The following NR2F1-AS1 variants were observed in gnomAD, a reference collection of about 807,000 sequenced individuals.
The protein encoded by NR2F1-AS1 is NR2F1 antisense RNA 1.
At position 93,557,800 on chromosome 5, in the gene NR2F1-AS1, T is replaced by C. The variant is rs1366649660; in HGVS notation, n.414-2805A>G. Among the ~76,000 whole-genome samples, 3 of 152,214 alleles carry C rather than the reference T, an allele frequency of 2.0e-5. No homozygotes were observed. In the East Asian group the frequency reaches 5.8e-4, roughly 29 times the overall value. ...CTCTGTGGCATGCAATGCTGTTTGA[T>C]AGCATTTTTACCCACAGTAGAGCTT... On this transcript the variant is annotated intron_variant and non_coding_transcript_variant, in intron 2 of 5. Transcript: ENST00000660523.
intron 1 of NR2F1-AS1, among the ~76,000 whole-genome samples, chr5:93,567,941 T>C (rs1283692911): frequency 6.6e-6 from 1 of 152,212 alleles, no homozygotes; most frequent in African/African-American, 2.4e-5. Flanking sequence ...AATATTACTT[T>C]GTCCATCCAA....
intron 4 of NR2F1-AS1, among the ~76,000 whole-genome samples, chr5:93,526,567 C>G (rs1341718616): frequency 6.6e-6 from 1 of 152,150 alleles, no homozygotes; most frequent in Non-Finnish European, 1.5e-5. Flanking sequence ...AGGCCAACAT[C>G]CCTGATGAAC....
At chr5:93,503,495 T>G (rs1463975375) in intron 4 of NR2F1-AS1, among the ~76,000 whole-genome samples, 2 of 152,220 alleles carry the variant, frequency 1.3e-5, no homozygotes, top group Non-Finnish European at 2.9e-5. Context: ...AAAAGTTTTT[T>G]AGAACAAACT....
chr5:93,425,590 G>A lies in NR2F1-AS1; in HGVS notation n.639-30048C>T, dbSNP rs570879138. Among the ~76,000 whole-genome samples, 97 of 152,220 alleles carry A rather than the reference G, an allele frequency of 6.4e-4. 1 individual carries two copies. The highest frequency in any genetic ancestry group is 2.3e-3 in the African/African-American group (94 of 41,548). Reference sequence around the variant, plus strand: ...TCTTACCATCCATCAAATATGCCAGGCATATTCACACACATGCTCATGCTG... The same window carrying A: ...TCTTACCATCCATCAAATATGCCAGACATATTCACACACATGCTCATGCTG... On this transcript the variant is annotated intron_variant and non_coding_transcript_variant, in intron 4 of 5. Coordinates refer to ENST00000660523, the Ensembl canonical transcript of NR2F1-AS1.
intron 4 of NR2F1-AS1, among the ~76,000 whole-genome samples, chr5:93,523,640 A>C (rs1751551610): frequency 6.6e-6 from 1 of 152,160 alleles, no homozygotes; most frequent in African/African-American, 2.4e-5. Context: ...TCTGGGACGA[A>C]GCTTCCAGAG....
At chr5:93,418,992 C>G (rs1749028799) in intron 4 of NR2F1-AS1, among the ~76,000 whole-genome samples, 1 of 152,194 alleles carries the variant, frequency 6.6e-6, no homozygotes, top group African/African-American at 2.4e-5. Flanking sequence ...AAATACCTAG[C>G]AGTACTACTT....
intron 4 of NR2F1-AS1, among the ~76,000 whole-genome samples, chr5:93,507,602 C>A (rs549214761): frequency 2.0e-5 from 3 of 152,148 alleles, no homozygotes; most frequent in Admixed American, 1.3e-4. Flanking sequence ...AGGTGATCAG[C>A]CTGCCTCGGC....
At chr5:93,507,797 T>G (rs1044330262) in intron 4 of NR2F1-AS1, among the ~76,000 whole-genome samples, 3 of 152,056 alleles carry the variant, frequency 2.0e-5, no homozygotes, top group African/African-American at 7.2e-5. Flanking sequence ...GGGAATAAGA[T>G]CAATATACAA....
At chr5:93,522,451 CT>C (rs2149896056) in intron 4 of NR2F1-AS1, among the ~76,000 whole-genome samples, 1 of 152,194 alleles carries the variant, frequency 6.6e-6, no homozygotes, top group South Asian at 2.1e-4. Flanking sequence ...AATTCATTCC[CT>C]TTTTTAAAAA....
chr5:93,563,131 G>A (rs1306709643), intron 2 of NR2F1-AS1, among the ~76,000 whole-genome samples: 1 of 152,164 alleles, frequency 6.6e-6, no homozygotes, highest in African/African-American at 2.4e-5. Flanking sequence ...GAGTAGAAAT[G>A]GTGTATATAT....
intron 4 of NR2F1-AS1, among the ~76,000 whole-genome samples, chr5:93,424,104 T>G (rs1749146552): frequency 6.6e-6 from 1 of 152,086 alleles, no homozygotes; most frequent in Non-Finnish European, 1.5e-5. Context: ...CTTAAGAGTC[T>G]GGGGATGAAA....
intron 4 of NR2F1-AS1, among the ~76,000 whole-genome samples, chr5:93,469,197 G>C (rs967218697): frequency 6.6e-6 from 1 of 152,010 alleles, no homozygotes; most frequent in Admixed American, 6.6e-5. Context: ...GACCATCGTG[G>C]GGTGTACTTA....
chr5:93,524,468 C>G (rs1751570116), intron 4 of NR2F1-AS1, among the ~76,000 whole-genome samples: 1 of 152,140 alleles, frequency 6.6e-6, no homozygotes, highest in Non-Finnish European at 1.5e-5. Context: ...TCCAACCTAG[C>G]AAGACAGGCC....
intron 4 of NR2F1-AS1, among the ~76,000 whole-genome samples, chr5:93,530,571 G>A (rs1751715603): frequency 6.6e-6 from 1 of 152,168 alleles, no homozygotes; most frequent in African/African-American, 2.4e-5. Context: ...CTTACTAGTA[G>A]TTGAGTGGCA....
intron 4 of NR2F1-AS1, among the ~76,000 whole-genome samples, chr5:93,510,051 G>A (rs1201279230): frequency 6.6e-6 from 1 of 152,038 alleles, no homozygotes; most frequent in Non-Finnish European, 1.5e-5. Context: ...ATCTAAAAAT[G>A]TGTTATTTTA....
At chr5:93,502,513 G>A (rs1751105993) in intron 4 of NR2F1-AS1, among the ~76,000 whole-genome samples, 1 of 152,190 alleles carries the variant, frequency 6.6e-6, no homozygotes, top group Admixed American at 6.5e-5. Flanking sequence ...AGGTCCATCT[G>A]TCAGGACAGG....
chr5:93,444,214 T>C (rs910061023), intron 4 of NR2F1-AS1, among the ~76,000 whole-genome samples: 1 of 152,160 alleles, frequency 6.6e-6, no homozygotes, highest in African/African-American at 2.4e-5. Context: ...TAACCTTAAA[T>C]GTAAATGGGC....
At chr5:93,462,572 T>C (rs564246897) in intron 4 of NR2F1-AS1, among the ~76,000 whole-genome samples, 2 of 151,962 alleles carry the variant, frequency 1.3e-5, no homozygotes, top group African/African-American at 4.8e-5. Context: ...CCGGCAGAAG[T>C]TGGGACAGTT....
chr5:93,530,245 T>C (rs1418686153), intron 4 of NR2F1-AS1, among the ~76,000 whole-genome samples: 1 of 152,056 alleles, frequency 6.6e-6, no homozygotes, highest in Non-Finnish European at 1.5e-5. Flanking sequence ...CACAACTGGA[T>C]AATTTTTTGT....
Sources: gnomAD v4.1 joint callset for allele counts (sites outside exome capture counted in the v4.1 genomes callset) on GRCh38, gnomAD v4.1.1 for gene constraint, MANE v1.5 for transcripts, NCBI Gene and HGNC (gene_info 2026-07-23, HGNC 2026-07-21) for gene names.